PTPRD: variants seen among roughly 807,000 people sequenced by gnomAD.
PTPRD encodes protein tyrosine phosphatase receptor type D, also known as receptor-type tyrosine-protein phosphatase delta.
Under a neutral mutation model 214.5 loss-of-function variants are expected in PTPRD, and 34 were observed. The observed-to-expected ratio is 0.16, with a 90% CI of 0.12 to 0.21. The LOEUF (loss-of-function observed/expected upper bound fraction) is 0.21, where lower values mean the gene tolerates loss of function less well. Ranked by LOEUF, PTPRD falls within the 10% of genes least tolerant of loss-of-function variation. The probability of loss-of-function intolerance (pLI) is 1.00; values close to 1 mark genes in which losing one functional copy is unlikely to be tolerated. For missense variants in PTPRD, 2,545 were observed against 2,398.7 expected (o/e 1.06, Z -1.27); for synonymous variants, 1,128 against 845.7 (o/e 1.33, Z -5.79).
intron 9 of PTPRD, among the ~76,000 whole-genome samples, chr9:9,316,919 C>T (rs1963506073): frequency 1.3e-5 from 2 of 152,108 alleles, no homozygotes; most frequent in Non-Finnish European, 2.9e-5. Flanking sequence ...AACAAACTCT[C>T]TGTCTCTAAA....
intron 7 of PTPRD, among the ~76,000 whole-genome samples, chr9:9,616,051 G>A (rs956005011): frequency 6.6e-6 from 1 of 152,152 alleles, no homozygotes; most frequent in African/African-American, 2.4e-5. Context: ...GCATTAGCCT[G>A]TAGTGCTTAT....
chr9:8,531,981 A>G (rs1046227959), intron 14 of PTPRD, among the ~76,000 whole-genome samples: 1 of 152,058 alleles, frequency 6.6e-6, no homozygotes, highest in Non-Finnish European at 1.5e-5. Context: ...AACACTCCAG[A>G]GCCCCCTTTT....
intron 8 of PTPRD, among the ~76,000 whole-genome samples, chr9:9,521,828 T>G (rs1236195053): frequency 6.6e-6 from 1 of 152,078 alleles, no homozygotes; most frequent in Non-Finnish European, 1.5e-5. Flanking sequence ...ACCTGTTTAG[T>G]GTTCTTTGGG....
intron 2 of PTPRD, among the ~76,000 whole-genome samples, chr9:10,497,254 T>A (rs549409024): frequency 1.3e-5 from 2 of 152,084 alleles, no homozygotes; most frequent in Admixed American, 1.3e-4. Context: ...TCATGCAACA[T>A]ACTCATGCGG....
At chr9:10,023,948 A>G (rs75095460) in intron 4 of PTPRD, among the ~76,000 whole-genome samples, 4,348 of 152,064 alleles carry the variant, frequency 0.029, 124 homozygotes, top group Admixed American at 0.089. Context: ...ATTTTTCACA[A>G]TGACAGCTTT....
At chr9:9,653,604 G>C (rs990412944) in intron 7 of PTPRD, among the ~76,000 whole-genome samples, 1 of 151,420 alleles carries the variant, frequency 6.6e-6, no homozygotes, top group Admixed American at 6.6e-5. Context: ...TTTGTGGTTA[G>C]AAACATTACT....
chr9:10,217,408 G>C (rs1412865123), intron 3 of PTPRD, among the ~76,000 whole-genome samples: 1 of 151,808 alleles, frequency 6.6e-6, no homozygotes, highest in Non-Finnish European at 1.5e-5. Flanking sequence ...AAGTTAATGA[G>C]TGGTTTGTAC....
At chr9:9,638,665 C>A (rs1288044326) in intron 7 of PTPRD, among the ~76,000 whole-genome samples, 1 of 152,126 alleles carries the variant, frequency 6.6e-6, no homozygotes, top group Non-Finnish European at 1.5e-5. Flanking sequence ...AGTGCCGAAA[C>A]CACTTCTATA....
chr9:8,542,708 G>C (rs1030228322), intron 14 of PTPRD, among the ~76,000 whole-genome samples: 1 of 152,234 alleles, frequency 6.6e-6, no homozygotes, highest in African/African-American at 2.4e-5. Flanking sequence ...TTTTCCTTCA[G>C]GAATTGGCAA....
At chr9:10,278,119 G>A (rs1029371743) in intron 3 of PTPRD, among the ~76,000 whole-genome samples, 2 of 150,914 alleles carry the variant, frequency 1.3e-5, no homozygotes, top group Non-Finnish European at 2.9e-5. Context: ...TAGCGCCACT[G>A]CACTCCAGCC....
At chr9:9,264,219 C>T (rs905782149) in intron 9 of PTPRD, among the ~76,000 whole-genome samples, 5 of 151,590 alleles carry the variant, frequency 3.3e-5, no homozygotes, top group African/African-American at 9.7e-5. Context: ...AAGAATTGGA[C>T]ATCTATGAAC....
chr9:8,752,260 G>A (rs1030564428), intron 11 of PTPRD, among the ~76,000 whole-genome samples: 1 of 152,124 alleles, frequency 6.6e-6, no homozygotes, highest in Non-Finnish European at 1.5e-5. Flanking sequence ...CAGTAAAGAA[G>A]CCTGCTAAAA....
chr9:9,298,744 T>C (rs1954095599), intron 9 of PTPRD, among the ~76,000 whole-genome samples: 1 of 151,774 alleles, frequency 6.6e-6, no homozygotes, highest in African/African-American at 2.4e-5. Flanking sequence ...CCTCCTCTTC[T>C]CTGAATTGTC....
At position 9,968,770 on chromosome 9, in the gene PTPRD, C is replaced by T. The variant is rs141124815; in HGVS notation, c.-471-30160G>A. On this transcript the variant is annotated intron_variant, in intron 4 of 45. Coordinates refer to ENST00000381196, the MANE Select transcript of PTPRD (RefSeq NM_002839.4). Reference sequence around the variant, plus strand: ...AAACCAAACAAACAAAAAATTAGCACAACGCCGTTAATCTCAACCTTAATT... The same window carrying T: ...AAACCAAACAAACAAAAAATTAGCATAACGCCGTTAATCTCAACCTTAATT... Among the ~76,000 whole-genome samples the T allele has an allele frequency of 3.5e-4, 54 of 152,220 alleles. No homozygotes were observed. In the Middle Eastern group the frequency reaches 0.014, roughly 38 times the overall value.
At chr9:8,763,812 T>G (rs1169673342) in intron 11 of PTPRD, among the ~76,000 whole-genome samples, 2 of 152,088 alleles carry the variant, frequency 1.3e-5, no homozygotes, top group Non-Finnish European at 2.9e-5. Flanking sequence ...AATGAGACCA[T>G]GAGCACAAAG....
chr9:9,398,420 G>T (rs1163371405), intron 8 of PTPRD, among the ~76,000 whole-genome samples: 1 of 152,000 alleles, frequency 6.6e-6, no homozygotes, highest in Admixed American at 6.6e-5. Context: ...ATGTCCAGAA[G>T]ATTCTAGTTG....
At chr9:8,569,024 C>T (rs2090296982) in intron 14 of PTPRD, among the ~76,000 whole-genome samples, 1 of 152,020 alleles carries the variant, frequency 6.6e-6, no homozygotes. Context: ...TAAACAAAAT[C>T]ATGTTTGTTG....
chr9:9,185,695 T>C lies in PTPRD; in HGVS notation c.-202-2332A>G, dbSNP rs1040966477. ...TCTATTCCATTACTCATTTAGATGA[T>C]TGCTGAATGGCACCTTCAGGCTAGA... On this transcript the variant is annotated intron_variant, in intron 9 of 45. Coordinates refer to ENST00000381196, the MANE Select transcript of PTPRD (RefSeq NM_002839.4). Among the ~76,000 whole-genome samples the C allele has an allele frequency of 5.3e-5, 8 of 152,046 alleles. No individual in the cohort carries two copies. The East Asian group carries it at 7.7e-4, about 15-fold the overall frequency.
intron 2 of PTPRD, among the ~76,000 whole-genome samples, chr9:10,546,472 T>G (rs1476620661): frequency 7.0e-6 from 1 of 142,750 alleles, no homozygotes; most frequent in Non-Finnish European, 1.5e-5. Context: ...AGAGAAATCT[T>G]TACTGCAAAG....
Sources: allele counts gnomAD v4.1 joint callset (sites outside exome capture counted in the v4.1 genomes callset), GRCh38; gene constraint gnomAD v4.1.1; transcripts MANE v1.5; gene names NCBI Gene and HGNC (gene_info 2026-07-23, HGNC 2026-07-21).